SCN3A: variants seen among roughly 807,000 people sequenced by gnomAD.
SCN3A encodes sodium channel protein type 3 subunit alpha.
Under a neutral mutation model 187.6 loss-of-function variants are expected in SCN3A, and 60 were observed. That is an observed-to-expected ratio of 0.32 (90% CI 0.26 to 0.40). SCN3A has a LOEUF of 0.40. Ranked by LOEUF, SCN3A falls within the 10% of genes least tolerant of loss-of-function variation. The pLI is 1.00. For synonymous variants in SCN3A, 788 were observed against 829.2 expected, an observed-to-expected ratio of 0.95 and a Z score of 0.85; for missense variants, 1,601 against 2,428.2, an observed-to-expected ratio of 0.66 and a Z score of 7.16.
chr2:165,171,110 A>G (rs2105912150), intron 3 of SCN3A, among the ~76,000 whole-genome samples: 1 of 152,152 alleles, frequency 6.6e-6, no homozygotes, highest in Non-Finnish European at 1.5e-5. Context: ...TCTGAAATAC[A>G]CCATTTCAAA....
intron 15 of SCN3A, among the ~76,000 whole-genome samples, chr2:165,133,938 A>G (rs1347888853): frequency 6.6e-6 from 1 of 152,072 alleles, no homozygotes; most frequent in Admixed American, 6.6e-5. Context: ...TTTGTTTTTG[A>G]TTTTGTGTTT....
At chr2:165,198,199 A>G (rs1181065860) in intron 1 of SCN3A, among the ~76,000 whole-genome samples, 1 of 152,070 alleles carries the variant, frequency 6.6e-6, no homozygotes, top group African/African-American at 2.4e-5. Context: ...AGAAAAAAAA[A>G]GAATCAATGC....
intron 9 of SCN3A, among the ~76,000 whole-genome samples, chr2:165,161,630 C>G (rs566997724): frequency 4.2e-4 from 64 of 152,276 alleles, no homozygotes; most frequent in African/African-American, 1.4e-3. Flanking sequence ...TATCTCTCAG[C>G]TCTTAAAAAA....
chr2:165,126,416 TTC>T (rs1470410917), intron 18 of SCN3A, among the ~76,000 whole-genome samples: 2 of 151,540 alleles, frequency 1.3e-5, no homozygotes, highest in African/African-American at 4.8e-5. Flanking sequence ...CTTCCCTTTC[TTC>T]TTTCTTTCTT....
intron 7 of SCN3A, 90 bp from the exon 8 acceptor site, chr2:165,162,918 T>C: frequency 6.7e-7 from 1 of 1,491,964 alleles, no homozygotes; most frequent in South Asian, 1.1e-5. Context: ...CCCCCATAAA[T>C]GATTGCTTGA....
Position 165,089,920 on chromosome 2 carries a change from G to T in SCN3A, c.*230C>A. ...TAGGTAGCCATTGGGTTTCTCCTCA[G>T]CAGTGTCAGCTGGTAATAAAAACAG... On this transcript the variant is annotated 3_prime_UTR_variant, in exon 28 of 28. Coordinates refer to ENST00000283254, the MANE Select transcript of SCN3A (RefSeq NM_006922.4). 1 of 566,246 alleles carries T rather than the reference G, an allele frequency of 1.8e-6. No homozygotes were observed. Among genetic ancestry groups the T allele is most frequent in the Non-Finnish European group, 3.1e-6 (1 of 322,806 alleles). The allele number at this position is 566,246 out of a possible 1,614,324, so 35.1% of individuals were successfully genotyped here. A position where few individuals can be genotyped will look rare whatever the true frequency, so the allele number is the denominator to read the frequency against.
In SCN3A at chr2:165,090,746, C is replaced by A; in HGVS notation, c.5407G>T (p.Asp1803Tyr). ...GAGAACTCTATAAACTGGGTCGCATCGGGATCAAACTTTTCCCAAACCTCA... is the reference window on the plus strand; with the variant it reads ...GAGAACTCTATAAACTGGGTCGCATAGGGATCAAACTTTTCCCAAACCTCA... Reference protein sequence around the residue: ...FYEVWEKFDPDATQFIEFSKL... With the variant: ...FYEVWEKFDPYATQFIEFSKL... Residue 1803 changes from aspartate (D) to tyrosine (Y), a missense_variant, in exon 28 of 28, where the codon GAT (aspartate) becomes TAT (tyrosine). Coordinates refer to ENST00000283254, the MANE Select transcript of SCN3A (RefSeq NM_006922.4). The surrounding 1 kb of genome is among the most constrained non-coding windows in gnomAD (Gnocchi z 4.0). 1 of 1,614,040 alleles carries A rather than the reference C, an allele frequency of 6.2e-7. No homozygotes were observed. The highest frequency in any genetic ancestry group is 8.5e-7 in the Non-Finnish European group (1 of 1,180,002).
At chr2:165,102,982 A>C (rs1165705623) in intron 21 of SCN3A, among the ~76,000 whole-genome samples, 1 of 152,250 alleles carries the variant, frequency 6.6e-6, no homozygotes, top group Non-Finnish European at 1.5e-5. Context: ...TTTTCCACGC[A>C]AATTACGATA....
At chr2:165,109,001 A>G (rs921504323) in intron 21 of SCN3A, among the ~76,000 whole-genome samples, 4 of 152,186 alleles carry the variant, frequency 2.6e-5, no homozygotes, top group Non-Finnish European at 5.9e-5. Context: ...TCATTTTGCC[A>G]AATCCAAATG....
At chr2:165,139,758 C>G in intron 13 of SCN3A, 150 bp from the exon 14 acceptor site, 2 of 976,346 alleles carry the variant, frequency 2.0e-6, no homozygotes, top group Admixed American at 2.4e-5. Flanking sequence ...AAGTTATAAA[C>G]AGTTTTTTTT....
At chr2:165,156,512 C>CAAAAAAAAAAAAAAAAA in intron 9 of SCN3A, among the ~76,000 whole-genome samples, 1 of 63,704 alleles carries the variant, frequency 1.6e-5, no homozygotes, top group East Asian at 5.6e-4. Context: ...GACTCTGACT[C>CAAAAAAAAAAAAAAAAA]AAAAAAAAAA....
intron 21 of SCN3A, among the ~76,000 whole-genome samples, chr2:165,100,811 T>G (rs544218043): frequency 6.6e-6 from 1 of 152,334 alleles, no homozygotes; most frequent in African/African-American, 2.4e-5. Context: ...ATGTAATATC[T>G]TAGTTATGCA....
intron 21 of SCN3A, 120 bp from the exon 22 acceptor site, chr2:165,100,544 TC>T: frequency 1.0e-6 from 1 of 974,672 alleles, no homozygotes; most frequent in South Asian, 1.4e-5. Context: ...TTGGCAACTT[TC>T]ATCTTCCACA....
chr2:165,198,473 C>T (rs914185407), intron 1 of SCN3A, among the ~76,000 whole-genome samples: 9 of 152,004 alleles, frequency 5.9e-5, no homozygotes, highest in African/African-American at 2.2e-4. Context: ...CCTGCCTACA[C>T]ATGTGTTTTA....
At chr2:165,166,102 G>C (rs747392197) in intron 5 of SCN3A, among the ~76,000 whole-genome samples, 1 of 152,188 alleles carries the variant, frequency 6.6e-6, no homozygotes, top group Non-Finnish European at 1.5e-5. Flanking sequence ...TTAGTGGTTA[G>C]TGCCCTGTGG....
In SCN3A at chr2:165,162,656, G is replaced by A. The variant is rs750861732; in HGVS notation, c.867C>T (p.Thr289=). 1.2e-6 allele frequency: 2 copies of A among 1,614,148 alleles called. No homozygotes were observed. The highest frequency in any genetic ancestry group is 2.2e-5 in the South Asian group (2 of 91,076). Residue 289 remains threonine (T), a synonymous_variant, in exon 8 of 28, where the codon ACC becomes ACT. Transcript: ENST00000283254. ...TGCCATTAAAGTAGGAAGTGGTGTT[G>A]GTTTCAAAAGCAGAATCGCTTGGGG... is the stretch of plus-strand genomic sequence containing the variant. ...QWPPSDSAFE[T]NTTSYFNGTM...
At chr2:165,143,630 C>T (rs934765690) in intron 12 of SCN3A, among the ~76,000 whole-genome samples, 3 of 152,184 alleles carry the variant, frequency 2.0e-5, no homozygotes, top group Non-Finnish European at 4.4e-5. Flanking sequence ...GCTGTGGCAA[C>T]ACTTTCTCTA....
At chr2:165,131,794 T>C in intron 15 of SCN3A, among the ~76,000 whole-genome samples, 1 of 140,560 alleles carries the variant, frequency 7.1e-6, no homozygotes. Flanking sequence ...ATGTTCCCCT[T>C]CCTGTGTCCA....
chr2:165,097,993 T>C (rs1435101261), intron 22 of SCN3A, among the ~76,000 whole-genome samples: 1 of 152,188 alleles, frequency 6.6e-6, no homozygotes, highest in African/African-American at 2.4e-5. Flanking sequence ...CAAGTTAACT[T>C]TTTATGACTA....
Sources: allele counts gnomAD v4.1 joint callset (sites outside exome capture counted in the v4.1 genomes callset), GRCh38; gene constraint gnomAD v4.1.1; non-coding constraint Gnocchi (gnomAD v3.1); transcripts MANE v1.5; gene names NCBI Gene and HGNC (gene_info 2026-07-23, HGNC 2026-07-21).